FBXO21: variants seen among roughly 807,000 people sequenced by gnomAD.
FBXO21 encodes F-box only protein 21.
Under a neutral mutation model 76.6 loss-of-function variants are expected in FBXO21, and 32 were observed. That is an observed-to-expected ratio of 0.42 (90% CI 0.32 to 0.56). FBXO21 has a LOEUF of 0.56. FBXO21 is among the 20% of genes least tolerant of loss of function. The pLI is 0.16. For synonymous variants in FBXO21, 328 were observed against 311.5 expected, an observed-to-expected ratio of 1.05 and a Z score of -0.56; for missense variants, 586 against 797.3, an observed-to-expected ratio of 0.73 and a Z score of 3.19.
In FBXO21 at chr12:117,142,625, C is replaced by T. The variant is rs1955727818; in HGVS notation, c.*3462G>A. The T allele has an allele frequency of 6.7e-6, 1 of 149,130 alleles. No homozygotes were observed. The highest frequency in any genetic ancestry group is 2.5e-5 in the African/African-American group (1 of 40,294). The allele number at this position is 149,130 out of a possible 1,614,324, so 9.2% of individuals were successfully genotyped here. A position where few individuals can be genotyped will look rare whatever the true frequency, so the allele number is the denominator to read the frequency against. On this transcript the variant is annotated 3_prime_UTR_variant, in exon 12 of 12. Coordinates refer to ENST00000622495, the MANE Select transcript of FBXO21 (RefSeq NM_015002.3). ...TTCACGTCTCCAAAAAGCAATTGTCCCACATCCAAATTTTGCATTTTGTCC... is the reference window on the plus strand; with the variant it reads ...TTCACGTCTCCAAAAAGCAATTGTCTCACATCCAAATTTTGCATTTTGTCC...
Position 117,155,801 on chromosome 12 carries a change from G to T in FBXO21, c.1665C>A (p.Tyr555Ter), listed in dbSNP as rs766832709. 6.2e-7 allele frequency: 1 copy of T among 1,613,482 alleles called. No homozygotes were observed. Among genetic ancestry groups the T allele is most frequent in the South Asian group, 1.1e-5 (1 of 90,942 alleles). The change falls in exon 11 of 12, where the codon TAC becomes TAA. Residue 555 changes from tyrosine to a stop codon, truncating the protein, a stop_gained. Coordinates refer to ENST00000622495, the MANE Select transcript of FBXO21 (RefSeq NM_015002.3). LOFTEE classifies it high-confidence loss of function. The stretch of plus-strand genomic sequence containing the variant: ...GAACCCGCCGCTTACCTTGGGCTGC[G>T]TATCGACAGGAGCCGTCCTCCACCA... ...NVLVEDGSCR[Y>*]AAQENLEYNV...
chr12:117,170,578 A>G (rs1956107966), intron 7 of FBXO21, among the ~76,000 whole-genome samples: 1 of 152,216 alleles, frequency 6.6e-6, no homozygotes, highest in South Asian at 2.1e-4. Context: ...AGAAAGGGCC[A>G]TAGCCCAGCA....
chr12:117,147,289 G>GA (rs1955783553), intron 11 of FBXO21, among the ~76,000 whole-genome samples: 1 of 79,300 alleles, frequency 1.3e-5, no homozygotes, highest in African/African-American at 5.6e-5. Flanking sequence ...CTGAAAAAAT[G>GA]GAAAAAAAAA....
intron 11 of FBXO21, among the ~76,000 whole-genome samples, chr12:117,149,260 A>G (rs1198373615): frequency 1.3e-5 from 2 of 152,100 alleles, no homozygotes; most frequent in Non-Finnish European, 2.9e-5. Context: ...TTGGCCTCCC[A>G]AAGTGTTGGG....
At chr12:117,168,066 T>C (rs1464378231) in intron 7 of FBXO21, among the ~76,000 whole-genome samples, 2 of 152,158 alleles carry the variant, frequency 1.3e-5, no homozygotes, top group Non-Finnish European at 1.5e-5. Context: ...CATGGAATCC[T>C]CATGGAGGAT....
intron 11 of FBXO21, among the ~76,000 whole-genome samples, chr12:117,154,773 T>C (rs1180131382): frequency 1.3e-5 from 2 of 152,208 alleles, no homozygotes; most frequent in Non-Finnish European, 2.9e-5. Flanking sequence ...CTCCAGCCTT[T>C]CAGAAAGTTC....
intron 3 of FBXO21, among the ~76,000 whole-genome samples, chr12:117,180,791 AT>A (rs571998704): frequency 0.015 from 2,218 of 145,164 alleles, 11 homozygotes; most frequent in Middle Eastern, 0.025. Context: ...CACCAAGCTA[AT>A]TTTTTTTTTT....
intron 8 of FBXO21, among the ~76,000 whole-genome samples, chr12:117,166,201 AAAAAAAAAG>A (rs1459654097): frequency 2.0e-5 from 3 of 152,158 alleles, no homozygotes; most frequent in African/African-American, 7.2e-5. Flanking sequence ...AAAAAAAAAA[AAAAAAAAAG>A]AATTCTGAGT....
chr12:117,173,947 C>G (rs1227304175), intron 6 of FBXO21, among the ~76,000 whole-genome samples: 1 of 152,024 alleles, frequency 6.6e-6, no homozygotes, highest in Non-Finnish European at 1.5e-5. Context: ...AGTTTGAGAC[C>G]AGGCTGGGCA....
Position 117,174,696 on chromosome 12 carries a change from G to C in FBXO21, c.694C>G (p.Leu232Val), listed in dbSNP as rs779343397. ...DSIVELVCKTLRGINSRHPSL... is the reference protein window; with the variant it reads ...DSIVELVCKTVRGINSRHPSL... ...GGGTGGCGACTGTTTATGCCCCGAA[G>C]GGTTTTGCAAACAAGCTCCACGATG... The change falls in exon 5 of 12, where the codon CTT becomes GTT. Residue 232 changes from leucine to valine, a missense_variant. By Grantham distance (32) the Leu-to-Val change is conservative (BLOSUM62 1). Around this residue, in one of 6 missense-constraint regions of FBXO21, gnomAD observed 246 missense variants for 356.8 expected, o/e 0.69. Transcript: ENST00000622495. 6 of 1,614,152 alleles carry C rather than the reference G, an allele frequency of 3.7e-6. No individual in the cohort carries two copies. In the South Asian group the frequency reaches 4.4e-5, roughly 12 times the overall value.
Position 117,145,487 on chromosome 12 carries a change from T to A in FBXO21, c.*600A>T, listed in dbSNP as rs2135838888. Reference sequence around the variant, plus strand: ...AAAAAAAGATAAAACACTTGAAATCTGTGTTTCACATATTAGAAAAAAATA... The same window carrying A: ...AAAAAAAGATAAAACACTTGAAATCAGTGTTTCACATATTAGAAAAAAATA... On this transcript the variant is annotated 3_prime_UTR_variant, in exon 12 of 12. Coordinates refer to ENST00000622495, the MANE Select transcript of FBXO21 (RefSeq NM_015002.3). The A allele has an allele frequency of 6.6e-6, 1 of 152,296 alleles. No homozygotes were observed. Among genetic ancestry groups the A allele is most frequent in the Non-Finnish European group, 1.5e-5 (1 of 68,034 alleles). 9.4% of individuals were successfully genotyped at this position (152,296 alleles called of 1,614,324 possible).
intron 3 of FBXO21, among the ~76,000 whole-genome samples, chr12:117,183,300 G>A (rs1956253415): frequency 6.6e-6 from 1 of 151,504 alleles, no homozygotes; most frequent in African/African-American, 2.4e-5. Context: ...ACCCAGGCTG[G>A]AATGCAATGG....
intron 3 of FBXO21, among the ~76,000 whole-genome samples, chr12:117,182,435 G>A (rs1433307445): frequency 6.6e-6 from 1 of 151,972 alleles, no homozygotes; most frequent in Non-Finnish European, 1.5e-5. Flanking sequence ...GTTACAGTGA[G>A]CCATGATTGC....
At chr12:117,180,990 T>A (rs1017167901) in intron 3 of FBXO21, among the ~76,000 whole-genome samples, 1 of 152,198 alleles carries the variant, frequency 6.6e-6, no homozygotes, top group African/African-American at 2.4e-5. Context: ...TTAAAACAGA[T>A]GCATTGTATT....
At chr12:117,181,280 AT>A (rs373636585) in intron 3 of FBXO21, among the ~76,000 whole-genome samples, 12 of 152,238 alleles carry the variant, frequency 7.9e-5, no homozygotes, top group African/African-American at 2.7e-4. Context: ...TTGGCTGGAT[AT>A]AAAAATCCTT....
Position 117,190,435 on chromosome 12 carries a change from T to A in FBXO21, c.22A>T (p.Ser8Cys), listed in dbSNP as rs923363801. Residue 8 changes from serine (S) to cysteine (C), a missense_variant, in exon 1 of 12, where the codon AGC becomes TGC. By Grantham distance (112) the Ser-to-Cys change is moderately radical. This residue lies in a region of FBXO21 where 152 missense variants were observed against 127.2 expected (regional missense o/e 1.19). Coordinates refer to ENST00000622495, the MANE Select transcript of FBXO21 (RefSeq NM_015002.3). MAAAAVD[S>C]AMEVVPALAE... is the part of the protein sequence containing the mutation. Reference sequence around the variant, plus strand: ...AGCGCCGGCACCACCTCCATCGCGCTGTCGACTGCTGCCGCCGCCATCTTG... The same window carrying A: ...AGCGCCGGCACCACCTCCATCGCGCAGTCGACTGCTGCCGCCGCCATCTTG... 3 of 1,359,892 alleles carry A rather than the reference T, an allele frequency of 2.2e-6. No individual in the cohort carries two copies. The highest frequency in any genetic ancestry group is 4.8e-5 in the Admixed American group (2 of 41,472). 84.2% of individuals were successfully genotyped at this position (1,359,892 alleles called of 1,614,324 possible).
chr12:117,149,783 G>C (rs1382929682), intron 11 of FBXO21, among the ~76,000 whole-genome samples: 1 of 152,172 alleles, frequency 6.6e-6, no homozygotes, highest in African/African-American at 2.4e-5. Flanking sequence ...GGACAGCCTG[G>C]TGTTGGTAAC....
At chr12:117,174,408 T>A in intron 5 of FBXO21, 67 bp from the exon 6 acceptor site, 5 of 1,544,036 alleles carry the variant, frequency 3.2e-6, no homozygotes, top group Non-Finnish European at 4.5e-6. Flanking sequence ...CCCAAACAAC[T>A]CACAACATGA....
At chr12:117,189,648 C>A (rs1358497636) in intron 1 of FBXO21, among the ~76,000 whole-genome samples, 1 of 152,150 alleles carries the variant, frequency 6.6e-6, no homozygotes, top group Non-Finnish European at 1.5e-5. Flanking sequence ...GATTGAGCGC[C>A]TCCTAGGAGC....
Sources: allele counts gnomAD v4.1 joint callset (sites outside exome capture counted in the v4.1 genomes callset), GRCh38; gene constraint gnomAD v4.1.1; regional missense constraint gnomAD v4.1.1; transcripts MANE v1.5; gene names NCBI Gene and HGNC (gene_info 2026-07-23, HGNC 2026-07-21).